The following CDH6 variants were observed in gnomAD, a reference collection of about 807,000 sequenced individuals.
CDH6 encodes the protein cadherin-6.
In CDH6, 31 loss-of-function variants were observed where a neutral mutation model predicts 78.0. That is an observed-to-expected ratio of 0.40 (90% CI 0.30 to 0.54). CDH6 has a LOEUF of 0.54. Among genes scored for constraint, CDH6 ranks in the 20% least tolerant of loss-of-function variants. CDH6 has a pLI of 0.56. For missense variants in CDH6, 724 were observed against 975.9 expected (o/e 0.74, Z 3.44); for synonymous variants, 376 against 368.8 (o/e 1.02, Z -0.23).
chr5:31,322,768 G>C, intron 11 of CDH6, 50 bp from the exon 12 acceptor site: 1 of 1,562,490 alleles, frequency 6.4e-7, no homozygotes, highest in Non-Finnish European at 8.7e-7. Flanking sequence ...ACATTAATTG[G>C]GCAGCAAATT....
At chr5:31,249,563 C>T (rs1191240509) in intron 1 of CDH6, 1 of 152,208 alleles carries the variant, frequency 6.6e-6, no homozygotes, top group Non-Finnish European at 1.5e-5. Context: ...AGAGACCAAA[C>T]CATTTCCATA....
chr5:31,214,004 C>T (rs958807819), intron 1 of CDH6, among the ~76,000 whole-genome samples: 5 of 152,244 alleles, frequency 3.3e-5, no homozygotes, highest in African/African-American at 1.2e-4. Flanking sequence ...GAGGCTTCTA[C>T]TTTGTAACTC....
chr5:31,230,654 AT>A (rs949113596), intron 1 of CDH6, among the ~76,000 whole-genome samples: 3 of 152,126 alleles, frequency 2.0e-5, no homozygotes, highest in Admixed American at 6.5e-5. Context: ...TGAAAATGCT[AT>A]TTTTTTAAAA....
At chr5:31,245,400 TTC>T (rs1349682364) in intron 1 of CDH6, among the ~76,000 whole-genome samples, 2 of 152,062 alleles carry the variant, frequency 1.3e-5, no homozygotes, top group Non-Finnish European at 2.9e-5. Context: ...CTCTTTCCCT[TTC>T]TCTCTCTTTT....
chr5:31,275,528 A>G (rs1280390804), intron 2 of CDH6, among the ~76,000 whole-genome samples: 2 of 152,210 alleles, frequency 1.3e-5, no homozygotes, highest in Non-Finnish European at 2.9e-5. Flanking sequence ...TACAAAGGAC[A>G]TGATTTCATT....
At chr5:31,225,812 G>A (rs1741136648) in intron 1 of CDH6, among the ~76,000 whole-genome samples, 1 of 152,198 alleles carries the variant, frequency 6.6e-6, no homozygotes, top group African/African-American at 2.4e-5. Flanking sequence ...ATATTCAAAT[G>A]TGCATAATGG....
At chr5:31,253,070 C>T (rs565265796) in intron 1 of CDH6, among the ~76,000 whole-genome samples, 4 of 152,330 alleles carry the variant, frequency 2.6e-5, no homozygotes, top group African/African-American at 4.8e-5. Flanking sequence ...AAGATCAAGG[C>T]ACCAGCAAAT....
At chr5:31,208,751 G>T (rs908857705) in intron 1 of CDH6, among the ~76,000 whole-genome samples, 89 of 152,302 alleles carry the variant, frequency 5.8e-4, no homozygotes, top group African/African-American at 1.6e-3. Flanking sequence ...TGTGTTTCAT[G>T]AGCAAAATTA....
At chr5:31,308,561 A>G (rs1207774525) in intron 7 of CDH6, among the ~76,000 whole-genome samples, 1 of 152,114 alleles carries the variant, frequency 6.6e-6, no homozygotes, top group Non-Finnish European at 1.5e-5. Flanking sequence ...ATAAATTTAA[A>G]TTACCTTGGA....
intron 2 of CDH6, among the ~76,000 whole-genome samples, chr5:31,287,403 T>C (rs79970493): frequency 0.031 from 4,697 of 152,310 alleles, 102 homozygotes; most frequent in Middle Eastern, 0.071. Flanking sequence ...CCTTTGGATA[T>C]TTGGTGTTTA....
intron 7 of CDH6, among the ~76,000 whole-genome samples, chr5:31,311,543 T>A (rs1429802143): frequency 1.3e-5 from 2 of 152,222 alleles, no homozygotes; most frequent in Non-Finnish European, 2.9e-5. Flanking sequence ...GTCCCCCACT[T>A]TCCTGGTACC....
intron 1 of CDH6, among the ~76,000 whole-genome samples, chr5:31,253,286 C>T (rs1357322131): frequency 6.6e-6 from 1 of 152,196 alleles, no homozygotes; most frequent in Non-Finnish European, 1.5e-5. Flanking sequence ...TACCCTCATG[C>T]TGTTCTCATG....
At chr5:31,284,716 A>G (rs537797025) in intron 2 of CDH6, among the ~76,000 whole-genome samples, 11 of 152,370 alleles carry the variant, frequency 7.2e-5, no homozygotes, top group African/African-American at 2.6e-4. Flanking sequence ...CACCTTGATC[A>G]CTGGAGAGCA....
chr5:31,327,437 G>A lies in CDH6; in HGVS notation c.*4129G>A, dbSNP rs1223187302. Reference sequence around the variant, plus strand: ...ATTTTGAAATGTATCCTCTAACAAGGATCATTATAGTGTAATCTTAATTTT... The same window carrying A: ...ATTTTGAAATGTATCCTCTAACAAGAATCATTATAGTGTAATCTTAATTTT... On this transcript the variant is annotated 3_prime_UTR_variant, in exon 12 of 12. Transcript: ENST00000265071. The A allele has an allele frequency of 5.2e-6, 1 of 191,564 alleles. No homozygotes were observed. 11.9% of individuals were successfully genotyped at this position (191,564 alleles called of 1,614,324 possible).
intron 1 of CDH6, among the ~76,000 whole-genome samples, chr5:31,208,761 A>G (rs938254814): frequency 6.6e-6 from 1 of 152,212 alleles, no homozygotes; most frequent in Non-Finnish European, 1.5e-5. Flanking sequence ...GAGCAAAATT[A>G]CCTTTGCTTC....
At chr5:31,205,026 T>C (rs1740476092) in intron 1 of CDH6, among the ~76,000 whole-genome samples, 1 of 152,192 alleles carries the variant, frequency 6.6e-6, no homozygotes, top group Admixed American at 6.5e-5. Flanking sequence ...AGATGCTTTA[T>C]GGAATAGATA....
chr5:31,256,211 C>T (rs1742049978), intron 1 of CDH6, among the ~76,000 whole-genome samples: 1 of 152,088 alleles, frequency 6.6e-6, no homozygotes, highest in Admixed American at 6.5e-5. Context: ...CTCCAAAAAG[C>T]AAAGCTTTAA....
At chr5:31,281,554 G>T (rs1237695309) in intron 2 of CDH6, among the ~76,000 whole-genome samples, 2 of 152,222 alleles carry the variant, frequency 1.3e-5, no homozygotes, top group Non-Finnish European at 2.9e-5. Flanking sequence ...TAATGTCACA[G>T]TCTGCCAAGG....
At chr5:31,262,042 C>CACT (rs1173036322) in intron 1 of CDH6, among the ~76,000 whole-genome samples, 1 of 152,158 alleles carries the variant, frequency 6.6e-6, no homozygotes, top group Non-Finnish European at 1.5e-5. Context: ...AATATTTTTG[C>CACT]ACTATTAATT....
Sources: gnomAD v4.1 joint callset for allele counts (sites outside exome capture counted in the v4.1 genomes callset) on GRCh38, gnomAD v4.1.1 for gene constraint, MANE v1.5 for transcripts, NCBI Gene and HGNC (gene_info 2026-07-23, HGNC 2026-07-21) for gene names.